The following ZKSCAN5 variants were observed in gnomAD, a reference collection of about 807,000 sequenced individuals.
ZKSCAN5 encodes zinc finger with KRAB and SCAN domains 5, also known as zinc finger protein with KRAB and SCAN domains 5.
ZKSCAN5 carries 28 observed loss-of-function variants against 60.0 expected under a neutral mutation model. The observed-to-expected ratio is 0.47, with a 90% CI of 0.35 to 0.64. The LOEUF (loss-of-function observed/expected upper bound fraction) is 0.64, where lower values mean the gene tolerates loss of function less well. Among genes scored for constraint, ZKSCAN5 ranks in the 30% least tolerant of loss-of-function variants. The pLI, the probability that ZKSCAN5 is intolerant of heterozygous loss-of-function variation, is 0.01. For synonymous variants in ZKSCAN5, 361 were observed against 371.2 expected, an observed-to-expected ratio of 0.97 and a Z score of 0.31; for missense variants, 881 against 1,034.6, an observed-to-expected ratio of 0.85 and a Z score of 2.04.
At position 99,531,138 on chromosome 7, in the gene ZKSCAN5, T is replaced by G; in HGVS notation, c.1409T>G (p.Leu470Ter). The G allele has an allele frequency of 6.3e-7, 1 of 1,595,158 alleles. No homozygotes were observed. The highest frequency in any genetic ancestry group is 8.5e-7 in the Non-Finnish European group (1 of 1,173,940). Residue 470 changes from leucine (L) to a stop codon, truncating the protein, a stop_gained, in exon 7 of 7, where the codon TTA (leucine) becomes TGA (stop). Coordinates refer to ENST00000326775, the MANE Select transcript of ZKSCAN5 (RefSeq NM_145102.4). LOFTEE classifies it high-confidence loss of function. ...CSDKRSKNTK[L>*]SVKKKISEYS... ...GACAAAAGAAGTAAGAACACAAAAT[T>G]AAGTGTTAAGAAGAAAATTTCAGAA...
At chr7:99,528,119 CTTTTTT>C (rs869150553) in intron 6 of ZKSCAN5, among the ~76,000 whole-genome samples, 1 of 121,256 alleles carries the variant, frequency 8.2e-6, no homozygotes, top group Non-Finnish European at 1.8e-5. Context: ...AAATGTTTTT[CTTTTTT>C]TTTTTTTTTT....
rs1722861905 is a variant in ZKSCAN5 at position 99,532,680 on chromosome 7, T to G, written c.*431T>G. 1 of 160,302 alleles carries G rather than the reference T, an allele frequency of 6.2e-6. No homozygotes were observed. Among genetic ancestry groups the G allele is most frequent in the Admixed American group, 6.1e-5 (1 of 16,272 alleles). The allele number at this position is 160,302 out of a possible 1,614,324, so 9.9% of individuals were successfully genotyped here. A position where few individuals can be genotyped will look rare whatever the true frequency, so the allele number is the denominator to read the frequency against. On this transcript the variant is annotated 3_prime_UTR_variant, in exon 7 of 7. Transcript: ENST00000326775. Reference sequence around the variant, plus strand: ...CGCACAGTAAAAGAATTCCTTAGCATGATGTCTGTTTTGGTACCTCAGCAA... The same window carrying G: ...CGCACAGTAAAAGAATTCCTTAGCAGGATGTCTGTTTTGGTACCTCAGCAA...
At chr7:99,524,827 G>A (rs1801699858) in intron 5 of ZKSCAN5, among the ~76,000 whole-genome samples, 1 of 152,166 alleles carries the variant, frequency 6.6e-6, no homozygotes, top group African/African-American at 2.4e-5. Context: ...AGAGGAAGGT[G>A]AAGATGGGGT....
chr7:99,531,673 G>A lies in ZKSCAN5; in HGVS notation c.1944G>A (p.Leu648=). The change falls in exon 7 of 7, where the codon CTG becomes CTA. Residue 648 remains leucine (L), a synonymous_variant. Transcript: ENST00000326775. ...CGKGFGRRSH[L]AGHLRLHSRE... ...AAGGCTTTGGGAGGCGTTCCCACCT[G>A]GCTGGACATCTTCGACTCCACTCCC... 1 of 1,614,196 alleles carries A rather than the reference G, an allele frequency of 6.2e-7. No individual in the cohort carries two copies. The highest frequency in any genetic ancestry group is 8.5e-7 in the Non-Finnish European group (1 of 1,180,040).
At position 99,534,494 on chromosome 7, in the gene ZKSCAN5, A is replaced by G. The variant is rs1016627842; in HGVS notation, c.*2245A>G. 3 of 152,200 alleles carry G rather than the reference A, an allele frequency of 2.0e-5. No homozygotes were observed. Among genetic ancestry groups the G allele is most frequent in the South Asian group, 2.1e-4 (1 of 4,832 alleles). The allele number at this position is 152,200 out of a possible 1,614,324, so 9.4% of individuals were successfully genotyped here. On this transcript the variant is annotated 3_prime_UTR_variant, in exon 7 of 7. Transcript: ENST00000326775. ...ATCGAAACCATCCTGGCCAACCAAC[A>G]TGGTGAAACCCGGTCTCTACTTAAA...
Position 99,532,400 on chromosome 7 carries a change from G to A in ZKSCAN5, c.*151G>A, listed in dbSNP as rs140468586. 3.6e-4 allele frequency: 230 copies of A among 635,268 alleles called. No individual in the cohort carries two copies. The East Asian group carries it at 6.2e-3, about 17-fold the overall frequency. 39.4% of individuals were successfully genotyped at this position (635,268 alleles called of 1,614,324 possible). ...TTATAACTCAGCCTTTAGGAACACC[G>A]GAGAACCCACAATAATAGAAATCTT... is the stretch of plus-strand genomic sequence containing the variant. On this transcript the variant is annotated 3_prime_UTR_variant, in exon 7 of 7. Transcript: ENST00000326775.
chr7:99,532,126 A>C lies in ZKSCAN5; in HGVS notation c.2397A>C (p.Lys799Asn). 1.2e-6 allele frequency: 2 copies of C among 1,614,088 alleles called. No homozygotes were observed. Among genetic ancestry groups the C allele is most frequent in the Non-Finnish European group, 1.7e-6 (2 of 1,180,036 alleles). ...ATCAGAGAATCCATACTGGTGAGAA[A>C]CCTTTTCAATGTAAAGAATGTGGAA... Reference protein sequence around the residue: ...NQHQRIHTGEKPFQCKECGMN... With the variant: ...NQHQRIHTGENPFQCKECGMN... Residue 799 changes from lysine (K) to asparagine (N), a missense_variant, in exon 7 of 7, where the codon AAA (lysine) becomes AAC (asparagine). Physicochemically the swap from Lys to Asn is moderately conservative, Grantham distance 94 (BLOSUM62 0). Around this residue, in one of 5 missense-constraint regions of ZKSCAN5, gnomAD observed 138 missense variants for 143.8 expected, o/e 0.96. Transcript: ENST00000326775.
intron 5 of ZKSCAN5, among the ~76,000 whole-genome samples, chr7:99,525,417 A>G (rs1307252452): frequency 2.6e-5 from 4 of 151,984 alleles, no homozygotes; most frequent in Non-Finnish European, 5.9e-5. Flanking sequence ...GGATGCAGTG[A>G]GCCATGATTG....
At chr7:99,522,660 T>A (rs1228337325) in intron 5 of ZKSCAN5, among the ~76,000 whole-genome samples, 1 of 151,788 alleles carries the variant, frequency 6.6e-6, no homozygotes, top group Admixed American at 6.6e-5. Flanking sequence ...CTAATTTTTC[T>A]GTTTTTAGTA....
At chr7:99,529,969 C>CAG (rs1801968041) in intron 6 of ZKSCAN5, among the ~76,000 whole-genome samples, 1 of 147,658 alleles carries the variant, frequency 6.8e-6, no homozygotes, top group Non-Finnish European at 1.5e-5. Context: ...TTCCTGACCT[C>CAG]GTGATCCACC....
intron 2 of ZKSCAN5, among the ~76,000 whole-genome samples, chr7:99,508,720 G>A (rs568213606): frequency 3.4e-4 from 51 of 149,980 alleles, no homozygotes; most frequent in African/African-American, 1.2e-3. Flanking sequence ...CTGCACTCCA[G>A]CCTGGGCGAT....
Position 99,533,707 on chromosome 7 carries a change from A to G in ZKSCAN5, c.*1458A>G. 1 of 399,578 alleles carries G rather than the reference A, an allele frequency of 2.5e-6. No homozygotes were observed. The allele number at this position is 399,578 out of a possible 1,614,324, so 24.8% of individuals were successfully genotyped here. On this transcript the variant is annotated 3_prime_UTR_variant, in exon 7 of 7. Coordinates refer to ENST00000326775, the MANE Select transcript of ZKSCAN5 (RefSeq NM_145102.4). ...GCTATGACTGCTCTGGCACCCTTGG[A>G]TCAGGCCAAGCTAGACTTTTTCTGA...
At chr7:99,528,406 C>T (rs1352288227) in intron 6 of ZKSCAN5, among the ~76,000 whole-genome samples, 1 of 152,152 alleles carries the variant, frequency 6.6e-6, no homozygotes, top group Non-Finnish European at 1.5e-5. Flanking sequence ...CACTTGCCTT[C>T]CACATTTTTT....
chr7:99,508,358 G>A (rs1800862656), intron 2 of ZKSCAN5, among the ~76,000 whole-genome samples: 1 of 152,010 alleles, frequency 6.6e-6, no homozygotes, highest in Non-Finnish European at 1.5e-5. Context: ...CTCATAGAGG[G>A]TATAACAATT....
chr7:99,531,086 ACTTGCT>A lies in ZKSCAN5; in HGVS notation c.1379-18_1379-13del. ...AAAAAAAAGAACTGATGACATTTTCACTTGCTCTTTATTTTTTTTAGGCAGTGACAA... is the reference window on the plus strand; with the variant it reads ...AAAAAAAAGAACTGATGACATTTTCACTTTATTTTTTTTAGGCAGTGACAA... On this transcript the variant is annotated splice_polypyrimidine_tract_variant and intron_variant, in intron 6 of 6. Coordinates refer to ENST00000326775, the MANE Select transcript of ZKSCAN5 (RefSeq NM_145102.4). 1 of 1,556,568 alleles carries A rather than the reference ACTTGCT, an allele frequency of 6.4e-7. No homozygotes were observed. Among genetic ancestry groups the A allele is most frequent in the Non-Finnish European group, 8.6e-7 (1 of 1,157,348 alleles).
chr7:99,525,707 A>G (rs1274192217), intron 5 of ZKSCAN5, 106 bp from the exon 6 acceptor site: 2 of 1,432,358 alleles, frequency 1.4e-6, no homozygotes, highest in Non-Finnish European at 1.9e-6. Flanking sequence ...CCCTTTACAG[A>G]ATCATGGATC....
chr7:99,520,667 C>CTTTAACAAA (rs1443275742), intron 5 of ZKSCAN5, among the ~76,000 whole-genome samples: 1 of 152,042 alleles, frequency 6.6e-6, no homozygotes, highest in Non-Finnish European at 1.5e-5. Context: ...GTCCTTTGGA[C>CTTTAACAAA]TTTAACAAAT....
At chr7:99,514,850 G>T (rs1801193498) in intron 3 of ZKSCAN5, among the ~76,000 whole-genome samples, 1 of 151,814 alleles carries the variant, frequency 6.6e-6, no homozygotes, top group South Asian at 2.1e-4. Flanking sequence ...GTTGGAGGTT[G>T]CAGTGAGCTG....
intron 5 of ZKSCAN5, among the ~76,000 whole-genome samples, chr7:99,523,612 A>ATCAG (rs1469457524): frequency 6.6e-6 from 1 of 151,982 alleles, no homozygotes; most frequent in African/African-American, 2.4e-5. Context: ...TCTCAAATCA[A>ATCAG]TCAATCAATC....
Sources: gnomAD v4.1 joint callset for allele counts (sites outside exome capture counted in the v4.1 genomes callset) on GRCh38, gnomAD v4.1.1 for gene constraint, gnomAD v4.1.1 regional missense constraint, MANE v1.5 for transcripts, NCBI Gene and HGNC (gene_info 2026-07-23, HGNC 2026-07-21) for gene names.